PPP2R5E: variants seen among roughly 807,000 people sequenced by gnomAD.
The protein encoded by PPP2R5E is protein phosphatase 2 regulatory subunit B'epsilon, also known as serine/threonine-protein phosphatase 2A 56 kDa regulatory subunit epsilon isoform.
Under a neutral mutation model 65.3 loss-of-function variants are expected in PPP2R5E, and 4 were observed. The observed-to-expected ratio is 0.06, with a 90% CI of 0.03 to 0.14. The LOEUF (loss-of-function observed/expected upper bound fraction) is 0.14, where lower values mean the gene tolerates loss of function less well. Ranked by LOEUF, PPP2R5E falls within the 10% of genes least tolerant of loss-of-function variation. The pLI is 1.00. For missense variants in PPP2R5E, 274 were observed against 556.1 expected (o/e 0.49, Z 5.10); for synonymous variants, 183 against 187.4 (o/e 0.98, Z 0.19).
intron 2 of PPP2R5E, among the ~76,000 whole-genome samples, chr14:63,460,337 C>A (rs1021219335): frequency 2.6e-5 from 4 of 152,134 alleles, no homozygotes; most frequent in Admixed American, 6.5e-5. Context: ...AGTATCTGAA[C>A]CCCAGTAGTC....
At chr14:63,376,204 C>A in intron 13 of PPP2R5E, 96 bp from the exon 14 acceptor site, 1 of 818,432 alleles carries the variant, frequency 1.2e-6, no homozygotes, top group Non-Finnish European at 1.9e-6. Flanking sequence ...CTCCTTTATA[C>A]TTAGCTTAAT....
At chr14:63,460,739 C>T (rs183310066) in intron 2 of PPP2R5E, among the ~76,000 whole-genome samples, 1 of 152,180 alleles carries the variant, frequency 6.6e-6, no homozygotes, top group Admixed American at 6.5e-5. Context: ...TAACAATATG[C>T]TCTCCAATTT....
intron 4 of PPP2R5E, among the ~76,000 whole-genome samples, chr14:63,420,206 T>C (rs1371813439): frequency 1.3e-5 from 2 of 152,192 alleles, no homozygotes; most frequent in African/African-American, 2.4e-5. Context: ...TCTCTTTCCT[T>C]GTCTTTTCCA....
rs370531456 is a variant in PPP2R5E at position 63,539,703 on chromosome 14, A to G, written c.-7-11T>C. Reference sequence around the variant, plus strand: ...GAGGACATATCCCTACTGAAGAGAAAGAAGTATCATAAACCCATACATTCC... The same window carrying G: ...GAGGACATATCCCTACTGAAGAGAAGGAAGTATCATAAACCCATACATTCC... On this transcript the variant is annotated splice_polypyrimidine_tract_variant and intron_variant, in intron 1 of 13. Coordinates refer to ENST00000337537, the MANE Select transcript of PPP2R5E (RefSeq NM_006246.5). 46 of 1,610,242 alleles carry G rather than the reference A, an allele frequency of 2.9e-5. No individual in the cohort carries two copies. The African/African-American group carries it at 5.3e-4, about 19-fold the overall frequency.
chr14:63,383,790 TTGA>T (rs1178561411), intron 12 of PPP2R5E, among the ~76,000 whole-genome samples: 1 of 152,206 alleles, frequency 6.6e-6, no homozygotes, highest in African/African-American at 2.4e-5. Context: ...TAAACTTCCC[TTGA>T]TGATTTTAAA....
intron 1 of PPP2R5E, among the ~76,000 whole-genome samples, chr14:63,540,051 G>A (rs1893824647): frequency 1.3e-5 from 2 of 151,760 alleles, no homozygotes; most frequent in African/African-American, 4.8e-5. Flanking sequence ...CTTGAACCTG[G>A]GAGGTGGAGG....
At chr14:63,446,169 A>C (rs1888463312) in intron 3 of PPP2R5E, among the ~76,000 whole-genome samples, 2 of 152,218 alleles carry the variant, frequency 1.3e-5, no homozygotes, top group Admixed American at 6.5e-5. Flanking sequence ...ATTCAGTCAA[A>C]TCTTCAGGCT....
At chr14:63,489,122 G>C (rs1412991684) in intron 2 of PPP2R5E, among the ~76,000 whole-genome samples, 1 of 151,894 alleles carries the variant, frequency 6.6e-6, no homozygotes, top group African/African-American at 2.4e-5. Context: ...TGTACTATTG[G>C]TGGTATTGGA....
At chr14:63,380,593 C>T (rs537105493) in intron 13 of PPP2R5E, among the ~76,000 whole-genome samples, 12 of 151,708 alleles carry the variant, frequency 7.9e-5, no homozygotes, top group East Asian at 3.9e-4. Flanking sequence ...ACCTGGGAGG[C>T]GGAGCTTGCA....
rs527664450 is a variant in PPP2R5E, at chr14:63,460,980, C to T, written c.158-7095G>A. Among the ~76,000 whole-genome samples the T allele has an allele frequency of 1.6e-4, 24 of 152,336 alleles. No individual in the cohort carries two copies. The South Asian group carries it at 4.8e-3, about 30-fold the overall frequency. Reference sequence around the variant, plus strand: ...GTTTCCAACACTGCATGTTATCCCTCATGCTTTATCTTCTAATGCCAAGTT... The same window carrying T: ...GTTTCCAACACTGCATGTTATCCCTTATGCTTTATCTTCTAATGCCAAGTT... On this transcript the variant is annotated intron_variant, in intron 2 of 13. Coordinates refer to ENST00000337537, the MANE Select transcript of PPP2R5E (RefSeq NM_006246.5).
intron 3 of PPP2R5E, among the ~76,000 whole-genome samples, chr14:63,433,573 T>G (rs1056448937): frequency 4.6e-5 from 7 of 152,070 alleles, no homozygotes; most frequent in Non-Finnish European, 8.8e-5. Flanking sequence ...GTGGGTTTAG[T>G]CTCAATTCAA....
chr14:63,431,260 C>CT (rs1045205400), intron 3 of PPP2R5E, among the ~76,000 whole-genome samples: 10 of 146,800 alleles, frequency 6.8e-5, no homozygotes, highest in African/African-American at 2.5e-4. Context: ...GAGCTAGACT[C>CT]TATCAAAAAA....
chr14:63,530,602 A>G (rs536546070), intron 2 of PPP2R5E, among the ~76,000 whole-genome samples: 2 of 149,778 alleles, frequency 1.3e-5, no homozygotes, highest in African/African-American at 2.5e-5. Context: ...TAAGTGATGA[A>G]TATATCAGGT....
intron 4 of PPP2R5E, among the ~76,000 whole-genome samples, chr14:63,418,477 T>C (rs1441030866): frequency 6.6e-6 from 1 of 152,116 alleles, no homozygotes; most frequent in Non-Finnish European, 1.5e-5. Context: ...AAATCAAAAA[T>C]CTCCCTTAAG....
chr14:63,414,054 C>T (rs913911115), intron 5 of PPP2R5E, among the ~76,000 whole-genome samples: 2 of 152,160 alleles, frequency 1.3e-5, no homozygotes, highest in East Asian at 1.9e-4. Flanking sequence ...TGTAGAGAGG[C>T]CTCCATGCCC....
chr14:63,402,389 C>T lies in PPP2R5E; in HGVS notation c.550-5673G>A, dbSNP rs1406055173. 6.6e-5 allele frequency among the ~76,000 whole-genome samples: 10 copies of T among 152,208 alleles called. No individual in the cohort carries two copies. In the East Asian group the frequency reaches 1.5e-3, roughly 23 times the overall value. ...CATACACAAGTTCTAAGCAACTTTT[C>T]GGTAGACTAACATGTAATTATGACT... On this transcript the variant is annotated intron_variant, in intron 5 of 13. Transcript: ENST00000337537.
chr14:63,504,000 T>C (rs1030813704), intron 2 of PPP2R5E, among the ~76,000 whole-genome samples: 10 of 152,182 alleles, frequency 6.6e-5, no homozygotes, highest in Admixed American at 6.5e-5. Flanking sequence ...AAAATTTGAA[T>C]ACATCACTTC....
chr14:63,458,046 G>A (rs1289712752), intron 2 of PPP2R5E, among the ~76,000 whole-genome samples: 2 of 152,132 alleles, frequency 1.3e-5, no homozygotes, highest in Non-Finnish European at 1.5e-5. Context: ...AGGGGAAAAT[G>A]ACTACGCCTA....
chr14:63,391,485 C>A (rs747930642), intron 10 of PPP2R5E, among the ~76,000 whole-genome samples: 79 of 152,236 alleles, frequency 5.2e-4, no homozygotes, highest in Non-Finnish European at 1.0e-3. Flanking sequence ...TGCAATGGCA[C>A]CATCTCGGCT....
Sources: allele counts gnomAD v4.1 joint callset (sites outside exome capture counted in the v4.1 genomes callset), GRCh38; gene constraint gnomAD v4.1.1; transcripts MANE v1.5; gene names NCBI Gene and HGNC (gene_info 2026-07-23, HGNC 2026-07-21).